Variants in FBXO36 observed in about 807,000 individuals in gnomAD.
The protein encoded by FBXO36 is F-box only protein 36.
FBXO36 carries 18 observed loss-of-function variants against 17.0 expected under a neutral mutation model. The ratio of observed to expected loss-of-function variants is 1.06; its 90% CI spans 0.73 to 1.57. The LOEUF is 1.57. Among genes scored for constraint, FBXO36 ranks in the 40% most tolerant of loss-of-function variants. The pLI, the probability that FBXO36 is intolerant of heterozygous loss-of-function variation, is 0.00. For missense variants in FBXO36, 229 were observed against 221.9 expected (o/e 1.03, Z -0.20); for synonymous variants, 83 against 85.3 (o/e 0.97, Z 0.15).
intron 1 of FBXO36, among the ~76,000 whole-genome samples, chr2:229,975,901 G>A (rs1418566126): frequency 6.6e-6 from 1 of 151,954 alleles, no homozygotes; most frequent in African/African-American, 2.4e-5. Context: ...TCCGTCTCTA[G>A]TGTTGAAGCA....
intron 1 of FBXO36, among the ~76,000 whole-genome samples, chr2:229,969,228 T>C (rs1309097374): frequency 6.6e-6 from 1 of 151,732 alleles, no homozygotes. Flanking sequence ...TTTTTTTTTC[T>C]TTTTTGAGAC....
At chr2:229,939,371 G>A (rs930182748) in intron 1 of FBXO36, 7 of 531,292 alleles carry the variant, frequency 1.3e-5, no homozygotes, top group African/African-American at 2.1e-5. Flanking sequence ...GTCTAAAACT[G>A]TATTAAAGTA....
intron 1 of FBXO36, among the ~76,000 whole-genome samples, chr2:229,955,091 ATCTGCCT>A (rs1370537643): frequency 6.6e-6 from 1 of 152,070 alleles, no homozygotes; most frequent in Non-Finnish European, 1.5e-5. Flanking sequence ...ACCTCAAGTG[ATCTGCCT>A]TCCTTGGCCT....
chr2:229,985,347 G>A (rs2077262690), intron 2 of FBXO36, among the ~76,000 whole-genome samples: 1 of 152,062 alleles, frequency 6.6e-6, no homozygotes, highest in African/African-American at 2.4e-5. Flanking sequence ...CCATCCAATA[G>A]GAGGTAGGTG....
At chr2:229,948,350 A>G in intron 1 of FBXO36, among the ~76,000 whole-genome samples, 1 of 152,126 alleles carries the variant, frequency 6.6e-6, no homozygotes. Flanking sequence ...GTCTGAAAAA[A>G]CAGTGTTGGT....
At chr2:229,937,995 C>T (rs1053249649) in intron 1 of FBXO36, 1 of 152,398 alleles carries the variant, frequency 6.6e-6, no homozygotes, top group Non-Finnish European at 1.5e-5. Flanking sequence ...TTTAGACAGT[C>T]TCACGCTGTC....
chr2:229,934,498 TC>T (rs2076954604), intron 1 of FBXO36, among the ~76,000 whole-genome samples: 1 of 152,168 alleles, frequency 6.6e-6, no homozygotes, highest in South Asian at 2.1e-4. Flanking sequence ...CACAGCACCC[TC>T]TTTTCCCTGA....
intron 1 of FBXO36, among the ~76,000 whole-genome samples, chr2:229,938,921 C>T (rs1263505186): frequency 6.7e-6 from 1 of 149,054 alleles, no homozygotes; most frequent in East Asian, 2.0e-4. Context: ...CATCATGCCC[C>T]GCCACCATGC....
chr2:230,000,851 CTTT>C lies in FBXO36; in HGVS notation c.378+3948_378+3950del, dbSNP rs71049612. Reference sequence around the variant, plus strand: ...TCCCCGCATAACATTAACCACTTTTCTTTTTTTTTTTTTTTTTTTTTTGAGTCA... The same window carrying C: ...TCCCCGCATAACATTAACCACTTTTCTTTTTTTTTTTTTTTTTTTGAGTCA... On this transcript the variant is annotated intron_variant, in intron 3 of 3. Coordinates refer to ENST00000283946, the MANE Select transcript of FBXO36 (RefSeq NM_174899.5). Among the ~76,000 whole-genome samples, 8 of 89,500 alleles carry C rather than the reference CTTT, an allele frequency of 8.9e-5. No homozygotes were observed. The South Asian group carries it at 1.5e-3, about 17-fold the overall frequency. 58.7% of individuals were successfully genotyped at this position (89,500 alleles called of 152,430 possible). A position where few individuals can be genotyped will look rare whatever the true frequency, so the allele number is the denominator to read the frequency against.
chr2:229,997,048 G>A (rs1357360495), intron 3 of FBXO36, 125 bp downstream of exon 3: 2 of 830,890 alleles, frequency 2.4e-6, no homozygotes, highest in Non-Finnish European at 3.8e-6. Flanking sequence ...TGCACAAGCA[G>A]CAGAGATGAA....
At chr2:229,993,301 T>C (rs1406167820) in intron 2 of FBXO36, among the ~76,000 whole-genome samples, 1 of 152,176 alleles carries the variant, frequency 6.6e-6, no homozygotes, top group African/African-American at 2.4e-5. Flanking sequence ...TAGGAAACAC[T>C]GGTCATTTAT....
chr2:229,976,375 C>G, intron 2 of FBXO36, 26 bp downstream of exon 2: 1 of 1,470,192 alleles, frequency 6.8e-7, no homozygotes, highest in Non-Finnish European at 9.5e-7. Flanking sequence ...TATTATATAC[C>G]CCTGTTAAGT....
rs141108408 is a variant in FBXO36 at position 229,938,036 on chromosome 2, T to C, written c.96+15427T>C. Among the ~76,000 whole-genome samples, 1,331 of 151,992 alleles carry C rather than the reference T, an allele frequency of 8.8e-3. 16 individuals carry two copies. The highest frequency in any genetic ancestry group is 0.03 in the African/African-American group (1,255 of 41,456). ...AGGGTGGAGTGCAGTGGAGCGATCT[T>C]GGCTTGCTGCAACCTCTGCCTCCTG... On this transcript the variant is annotated intron_variant, in intron 1 of 3. Transcript: ENST00000283946.
intron 1 of FBXO36, among the ~76,000 whole-genome samples, chr2:229,971,493 A>T (rs1253199866): frequency 6.6e-6 from 1 of 152,108 alleles, no homozygotes; most frequent in Non-Finnish European, 1.5e-5. Context: ...AGGGGGAAAA[A>T]AAAATCTACC....
At chr2:229,947,816 C>A (rs1315068059) in intron 1 of FBXO36, among the ~76,000 whole-genome samples, 2 of 152,196 alleles carry the variant, frequency 1.3e-5, no homozygotes, top group Non-Finnish European at 2.9e-5. Flanking sequence ...ATGATGAGAT[C>A]AGTTTTTTAT....
intron 1 of FBXO36, among the ~76,000 whole-genome samples, chr2:229,973,716 T>C (rs1375922679): frequency 3.7e-5 from 1 of 26,984 alleles, no homozygotes; most frequent in Non-Finnish European, 8.1e-5. Flanking sequence ...CAAGACTCCA[T>C]CTCAAAAAAA....
intron 1 of FBXO36, among the ~76,000 whole-genome samples, chr2:229,957,367 G>A (rs565913822): frequency 2.0e-5 from 3 of 152,200 alleles, no homozygotes; most frequent in Admixed American, 6.5e-5. Flanking sequence ...GCCTGAGGTC[G>A]GTAGTTTGAG....
intron 1 of FBXO36, among the ~76,000 whole-genome samples, chr2:229,932,263 G>C (rs1025672759): frequency 6.6e-5 from 10 of 152,150 alleles, no homozygotes; most frequent in African/African-American, 1.9e-4. Context: ...GCTTACGCCT[G>C]TTATCCCAGC....
At chr2:229,982,034 T>G (rs530684570) in intron 2 of FBXO36, among the ~76,000 whole-genome samples, 14 of 151,888 alleles carry the variant, frequency 9.2e-5, no homozygotes, top group Admixed American at 2.0e-4. Flanking sequence ...TTTTGTTTTT[T>G]TTTTTGAGAG....
Sources: gnomAD v4.1 joint callset for allele counts (sites outside exome capture counted in the v4.1 genomes callset) on GRCh38, gnomAD v4.1.1 for gene constraint, MANE v1.5 for transcripts, NCBI Gene and HGNC (gene_info 2026-07-23, HGNC 2026-07-21) for gene names.